The following DPP10 variants were observed in gnomAD, a reference collection of about 807,000 sequenced individuals.
DPP10 encodes inactive dipeptidyl peptidase 10.
Under a neutral mutation model 120.9 loss-of-function variants are expected in DPP10, and 33 were observed. That is an observed-to-expected ratio of 0.27 (90% CI 0.21 to 0.37). The LOEUF is 0.37. Among genes scored for constraint, DPP10 ranks in the 10% least tolerant of loss-of-function variants. The pLI, the probability that DPP10 is intolerant of heterozygous loss-of-function variation, is 1.00. For missense variants in DPP10, 816 were observed against 942.8 expected, an observed-to-expected ratio of 0.87 and a Z score of 1.76; for synonymous variants, 337 against 326.1, an observed-to-expected ratio of 1.03 and a Z score of -0.36.
chr2:115,832,648 C>T (rs2150105883), intron 21 of DPP10, among the ~76,000 whole-genome samples: 1 of 152,136 alleles, frequency 6.6e-6, no homozygotes, highest in East Asian at 1.9e-4. Context: ...CATTAAATGC[C>T]AAATTTTCAT....
chr2:115,290,160 C>T (rs575600478), intron 1 of DPP10, among the ~76,000 whole-genome samples: 1 of 151,536 alleles, frequency 6.6e-6, no homozygotes, highest in African/African-American at 2.4e-5. Flanking sequence ...GGAAAAGAGG[C>T]CAAATAATTT....
chr2:115,613,372 A>G (rs1023755268), intron 5 of DPP10, among the ~76,000 whole-genome samples: 2 of 152,196 alleles, frequency 1.3e-5, no homozygotes, highest in African/African-American at 4.8e-5. Context: ...CCTGATTTTT[A>G]TATGTGGATA....
At chr2:115,409,926 A>T (rs553505218) in intron 3 of DPP10, among the ~76,000 whole-genome samples, 1 of 152,338 alleles carries the variant, frequency 6.6e-6, no homozygotes, top group South Asian at 2.1e-4. Context: ...AAAACTCAAC[A>T]TCGTGTGTTC....
At chr2:114,780,627 T>C (rs971211183) in intron 1 of DPP10, among the ~76,000 whole-genome samples, 1 of 152,104 alleles carries the variant, frequency 6.6e-6, no homozygotes, top group Non-Finnish European at 1.5e-5. Context: ...TTTATGTAGA[T>C]ACAACATTCC....
At chr2:115,460,341 A>G (rs548050003) in intron 3 of DPP10, among the ~76,000 whole-genome samples, 2 of 152,314 alleles carry the variant, frequency 1.3e-5, no homozygotes, top group East Asian at 3.9e-4. Context: ...TAGAAGAGAC[A>G]TAATGAAATA....
chr2:115,327,804 T>C (rs917212348), intron 2 of DPP10, among the ~76,000 whole-genome samples: 1 of 152,042 alleles, frequency 6.6e-6, no homozygotes, highest in African/African-American at 2.4e-5. Flanking sequence ...ATTAATATTT[T>C]TTACTACTTC....
At chr2:115,412,488 G>T (rs868181229) in intron 3 of DPP10, among the ~76,000 whole-genome samples, 4 of 152,144 alleles carry the variant, frequency 2.6e-5, no homozygotes, top group Non-Finnish European at 2.9e-5. Context: ...CTACTCGAAG[G>T]TTCATCGAAA....
intron 1 of DPP10, among the ~76,000 whole-genome samples, chr2:114,872,551 G>A (rs1207366877): frequency 6.6e-6 from 1 of 152,160 alleles, no homozygotes; most frequent in Non-Finnish European, 1.5e-5. Flanking sequence ...GCTTTATAGT[G>A]CCAAGTGAGT....
Position 115,814,938 on chromosome 2 carries a change from C to T in DPP10, c.1846C>T (p.His616Tyr). Reference sequence around the variant, plus strand: ...GGGTCTGAAAATTTTGCAGGAGATTCATCGAAGATTAGGTTCAGTAGAAGT... The same window carrying T: ...GGGTCTGAAAATTTTGCAGGAGATTTATCGAAGATTAGGTTCAGTAGAAGT... ...FQGLKILQEI[H>Y]RRLGSVEVKD... Residue 616 changes from histidine to tyrosine, a missense_variant, in exon 20 of 26, where the codon CAT becomes TAT. By Grantham distance (83) the His-to-Tyr change is moderately conservative. Around this residue, in one of 3 missense-constraint regions of DPP10, gnomAD observed 592 missense variants for 649.0 expected, o/e 0.91. Coordinates refer to ENST00000410059, the MANE Select transcript of DPP10 (RefSeq NM_020868.6). 6.2e-7 allele frequency: 1 copy of T among 1,612,132 alleles called. No individual in the cohort carries two copies. The highest frequency in any genetic ancestry group is 1.7e-5 in the Admixed American group (1 of 59,990).
chr2:114,834,263 ATCTACACACCTATGTATATATAAGCCATG>A lies in DPP10; in HGVS notation c.60+391475_60+391503del, dbSNP rs1558790109. 1.9e-4 allele frequency among the ~76,000 whole-genome samples: 20 copies of A among 106,122 alleles called. No individual in the cohort carries two copies. In the East Asian group the frequency reaches 4.3e-3, roughly 23 times the overall value. 69.6% of individuals were successfully genotyped at this position (106,122 alleles called of 152,430 possible). On this transcript the variant is annotated intron_variant, in intron 1 of 25. Transcript: ENST00000410059. Reference sequence around the variant, plus strand: ...ACACACCTATGTATATATAAGACATATCTACACACCTATGTATATATAAGCCATGTCTACACACCTATGTATATATAAGC... The same window carrying A: ...ACACACCTATGTATATATAAGACATATCTACACACCTATGTATATATAAGC...
chr2:115,390,776 A>T (rs2106539337), intron 3 of DPP10, among the ~76,000 whole-genome samples: 1 of 152,242 alleles, frequency 6.6e-6, no homozygotes, highest in East Asian at 1.9e-4. Flanking sequence ...TGCCAAAACT[A>T]TCTAGACCTC....
At chr2:115,080,631 A>C (rs896127483) in intron 1 of DPP10, among the ~76,000 whole-genome samples, 20 of 152,236 alleles carry the variant, frequency 1.3e-4, no homozygotes, top group Admixed American at 9.8e-4. Flanking sequence ...CAAAGAAGAA[A>C]ATACAGTCTA....
intron 1 of DPP10, among the ~76,000 whole-genome samples, chr2:114,987,905 A>G (rs905647865): frequency 3.4e-5 from 5 of 146,208 alleles, no homozygotes; most frequent in Non-Finnish European, 7.5e-5. Flanking sequence ...CCGGGTTCAC[A>G]CCATTCTCCT....
chr2:114,548,741 C>A (rs1359061383), intron 1 of DPP10, among the ~76,000 whole-genome samples: 2 of 152,158 alleles, frequency 1.3e-5, no homozygotes, highest in Non-Finnish European at 2.9e-5. Flanking sequence ...CAGTAACCTC[C>A]AACAGGTAGA....
At chr2:114,899,686 G>C (rs57124816) in intron 1 of DPP10, among the ~76,000 whole-genome samples, 3,628 of 152,168 alleles carry the variant, frequency 0.024, 140 homozygotes, top group African/African-American at 0.083. Flanking sequence ...GGCCAGGCGC[G>C]GTGGCTCACG....
chr2:114,475,055 A>T (rs1680262044), intron 1 of DPP10, among the ~76,000 whole-genome samples: 1 of 152,240 alleles, frequency 6.6e-6, no homozygotes, highest in South Asian at 2.1e-4. Flanking sequence ...AAAGGCTTCT[A>T]TAGAGCATTA....
chr2:115,372,117 G>T (rs1418214251), intron 3 of DPP10, among the ~76,000 whole-genome samples: 1 of 152,012 alleles, frequency 6.6e-6, no homozygotes, highest in Admixed American at 6.6e-5. Context: ...TTATTTTAGA[G>T]ACTTTTTCAT....
intron 21 of DPP10, among the ~76,000 whole-genome samples, chr2:115,827,957 C>A (rs1399661077): frequency 1.3e-5 from 2 of 152,020 alleles, no homozygotes; most frequent in Non-Finnish European, 2.9e-5. Flanking sequence ...TATATTTACC[C>A]AGGTGACTAC....
At chr2:115,151,760 G>T (rs1372644737) in intron 1 of DPP10, among the ~76,000 whole-genome samples, 1 of 148,840 alleles carries the variant, frequency 6.7e-6, no homozygotes, top group African/African-American at 2.5e-5. Context: ...CTCTCACTCA[G>T]AAACTCCTAT....
Sources: allele counts gnomAD v4.1 joint callset (sites outside exome capture counted in the v4.1 genomes callset), GRCh38; gene constraint gnomAD v4.1.1; regional missense constraint gnomAD v4.1.1; transcripts MANE v1.5; gene names NCBI Gene and HGNC (gene_info 2026-07-23, HGNC 2026-07-21).